Variants in NRG3 observed in about 807,000 individuals in gnomAD.
NRG3 encodes the protein pro-neuregulin-3, membrane-bound isoform.
A neutral mutation model predicts 66.9 loss-of-function variants in NRG3; 31 were observed. That is an observed-to-expected ratio of 0.46 (90% CI 0.35 to 0.63). NRG3 has a LOEUF of 0.63. Ranked by LOEUF, NRG3 falls within the 20% of genes least tolerant of loss-of-function variation. The pLI, the probability that NRG3 is intolerant of heterozygous loss-of-function variation, is 0.00. For missense variants in NRG3, 910 were observed against 878.9 expected (o/e 1.04, Z -0.45); for synonymous variants, 393 against 359.4 (o/e 1.09, Z -1.06).
intron 3 of NRG3, among the ~76,000 whole-genome samples, chr10:82,764,626 G>C (rs377252320): frequency 6.6e-6 from 1 of 151,392 alleles, no homozygotes; most frequent in Non-Finnish European, 1.5e-5. Flanking sequence ...GCCTCCCAAA[G>C]TGCTCCCAAA....
intron 2 of NRG3, among the ~76,000 whole-genome samples, chr10:82,572,638 A>C (rs1037937189): frequency 6.6e-5 from 10 of 150,758 alleles, no homozygotes; most frequent in African/African-American, 2.4e-4. Flanking sequence ...TTCTTCTTTT[A>C]TTTTTTATTT....
At chr10:82,639,883 A>G (rs556341203) in intron 2 of NRG3, among the ~76,000 whole-genome samples, 4 of 152,184 alleles carry the variant, frequency 2.6e-5, no homozygotes, top group Admixed American at 1.3e-4. Context: ...TATTAAGCCT[A>G]TACCCATTAA....
In NRG3 at chr10:82,357,328, CAG is replaced by C. The variant is rs1185179283; in HGVS notation, c.824-1410_824-1409del. Among the ~76,000 whole-genome samples the C allele has an allele frequency of 3.3e-5, 5 of 152,144 alleles. 1 individual carries two copies. Among genetic ancestry groups the C allele is most frequent in the East Asian group, 1.9e-4 (1 of 5,180 alleles). ...TGAGGATTTTTAGATGTGGGAGAGA[CAG>C]GGGTGAGTTTCCTTTTAAACTGCTC... On this transcript the variant is annotated intron_variant, in intron 1 of 8. Coordinates refer to ENST00000372141, the MANE Select transcript of NRG3 (RefSeq NM_001010848.4).
chr10:82,741,814 C>T (rs1189599031), intron 3 of NRG3, among the ~76,000 whole-genome samples: 1 of 152,000 alleles, frequency 6.6e-6, no homozygotes, highest in Non-Finnish European at 1.5e-5. Flanking sequence ...TTATTTTCAA[C>T]AGGACATTTA....
At chr10:81,877,886 T>A (rs959204199) in intron 1 of NRG3, 5 of 1,533,330 alleles carry the variant, frequency 3.3e-6, no homozygotes, top group Non-Finnish European at 4.4e-6. Flanking sequence ...GTGAACATAT[T>A]CAATGGATTG....
At chr10:81,942,890 A>G (rs1848519487) in intron 1 of NRG3, among the ~76,000 whole-genome samples, 1 of 152,226 alleles carries the variant, frequency 6.6e-6, no homozygotes, top group Admixed American at 6.6e-5. Context: ...TTGAGGATTA[A>G]TAACGAAAGA....
intron 1 of NRG3, among the ~76,000 whole-genome samples, chr10:82,228,284 A>C (rs7474863): frequency 6.6e-6 from 1 of 152,226 alleles, no homozygotes; most frequent in African/African-American, 2.4e-5. Context: ...AGTTGAATTC[A>C]AGTTCAAATT....
chr10:82,505,421 A>G (rs1342840230), intron 2 of NRG3, among the ~76,000 whole-genome samples: 1 of 152,212 alleles, frequency 6.6e-6, no homozygotes, highest in Non-Finnish European at 1.5e-5. Context: ...GTGTTTTAAC[A>G]ACTGGTATCA....
chr10:82,492,228 C>T (rs555915951), intron 2 of NRG3, among the ~76,000 whole-genome samples: 1 of 152,266 alleles, frequency 6.6e-6, no homozygotes, highest in African/African-American at 2.4e-5. Context: ...CCATTCTTTC[C>T]AGAATGACAA....
At chr10:82,068,186 C>G (rs1487955148) in intron 1 of NRG3, among the ~76,000 whole-genome samples, 1 of 152,112 alleles carries the variant, frequency 6.6e-6, no homozygotes, top group African/African-American at 2.4e-5. Context: ...GAGGGAATTG[C>G]AGGAACAACT....
At chr10:82,512,114 C>T (rs2132452280) in intron 2 of NRG3, among the ~76,000 whole-genome samples, 1 of 151,944 alleles carries the variant, frequency 6.6e-6, no homozygotes, top group East Asian at 1.9e-4. Flanking sequence ...CTGATATGTG[C>T]ATGCAAAGCT....
intron 1 of NRG3, among the ~76,000 whole-genome samples, chr10:81,999,931 A>C (rs2133662855): frequency 6.6e-6 from 1 of 152,316 alleles, no homozygotes; most frequent in South Asian, 2.1e-4. Flanking sequence ...TAGTCACATG[A>C]TCCTTGTCTG....
chr10:82,360,600 G>A (rs2084070264), intron 2 of NRG3, among the ~76,000 whole-genome samples: 1 of 152,140 alleles, frequency 6.6e-6, no homozygotes, highest in South Asian at 2.1e-4. Flanking sequence ...TTCTGCATAT[G>A]GCTATGCTGT....
At position 82,201,030 on chromosome 10, in the gene NRG3, T is replaced by G. The variant is rs142317205; in HGVS notation, c.824-157709T>G. On this transcript the variant is annotated intron_variant, in intron 1 of 8. Coordinates refer to ENST00000372141, the MANE Select transcript of NRG3 (RefSeq NM_001010848.4). ...GGCCAACATGGTGAAACCCCATCTC[T>G]ACTAAAAATACAAAAAATTAGCCAG... Among the ~76,000 whole-genome samples the G allele has an allele frequency of 6.1e-3, 922 of 151,938 alleles. 10 individuals are homozygous for G. The highest frequency in any genetic ancestry group is 0.021 in the African/African-American group (880 of 41,426).
intron 2 of NRG3, among the ~76,000 whole-genome samples, chr10:82,642,895 C>G (rs1210264166): frequency 6.6e-6 from 1 of 151,686 alleles, no homozygotes; most frequent in Admixed American, 6.6e-5. Flanking sequence ...ATTATACATA[C>G]ACATATATAT....
intron 1 of NRG3, among the ~76,000 whole-genome samples, chr10:82,142,863 T>C (rs2069915923): frequency 6.9e-6 from 1 of 145,244 alleles, no homozygotes; most frequent in Non-Finnish European, 1.5e-5. Flanking sequence ...CTCAACCTTC[T>C]CCCACCTCAG....
intron 1 of NRG3, among the ~76,000 whole-genome samples, chr10:82,188,351 A>G (rs2073933465): frequency 6.6e-6 from 1 of 152,190 alleles, no homozygotes; most frequent in African/African-American, 2.4e-5. Flanking sequence ...AAACTATGAA[A>G]GTACTACAAG....
At chr10:82,304,028 C>A (rs1326199398) in intron 1 of NRG3, among the ~76,000 whole-genome samples, 5 of 151,830 alleles carry the variant, frequency 3.3e-5, no homozygotes, top group African/African-American at 2.4e-5. Context: ...GGATACAATC[C>A]CAGAAGTAGA....
intron 3 of NRG3, among the ~76,000 whole-genome samples, chr10:82,748,470 A>T (rs1165602141): frequency 6.6e-6 from 1 of 151,682 alleles, no homozygotes; most frequent in Admixed American, 6.6e-5. Context: ...ACATGTATAT[A>T]CTTAACTACA....
Sources: gnomAD v4.1 joint callset for allele counts (sites outside exome capture counted in the v4.1 genomes callset) on GRCh38, gnomAD v4.1.1 for gene constraint, MANE v1.5 for transcripts, NCBI Gene and HGNC (gene_info 2026-07-23, HGNC 2026-07-21) for gene names.